The following BMPR1B variants were observed in gnomAD, a reference collection of about 807,000 sequenced individuals.
The protein encoded by BMPR1B is bone morphogenetic protein receptor type-1B.
In BMPR1B, 12 loss-of-function variants were observed where a neutral mutation model predicts 59.1. The observed-to-expected ratio is 0.20, with a 90% confidence interval of 0.13 to 0.33. The LOEUF is 0.33. Among genes scored for constraint, BMPR1B ranks in the 10% least tolerant of loss-of-function variants. The pLI, the probability that BMPR1B is intolerant of heterozygous loss-of-function variation, is 1.00. For synonymous variants in BMPR1B, 237 were observed against 207.3 expected (o/e 1.14, Z -1.23); for missense variants, 550 against 610.9 (o/e 0.90, Z 1.05).
chr4:95,137,032 T>G (rs961962460), intron 10 of BMPR1B, among the ~76,000 whole-genome samples: 2 of 152,218 alleles, frequency 1.3e-5, no homozygotes, highest in Non-Finnish European at 2.9e-5. Context: ...TTTCCTGCTT[T>G]CTTTTGTGGG....
At position 94,943,986 on chromosome 4, in the gene BMPR1B, G is replaced by A. The variant is rs145304109; in HGVS notation, c.-112-52054G>A. ...CAAAACCCTAACCCTTTTGAGTACCGACATGATACCACAAAGTGGAAAATT... is the reference window on the plus strand; with the variant it reads ...CAAAACCCTAACCCTTTTGAGTACCAACATGATACCACAAAGTGGAAAATT... On this transcript the variant is annotated intron_variant, in intron 2 of 12. Transcript: ENST00000515059. Among the ~76,000 whole-genome samples, 290 of 152,144 alleles carry A rather than the reference G, an allele frequency of 1.9e-3. 1 individual carries two copies. The highest frequency in any genetic ancestry group is 2.3e-3 in the Non-Finnish European group (154 of 67,984).
At chr4:95,035,928 C>T (rs1725209011) in intron 3 of BMPR1B, among the ~76,000 whole-genome samples, 1 of 152,084 alleles carries the variant, frequency 6.6e-6, no homozygotes, top group Non-Finnish European at 1.5e-5. Context: ...TATGTATTTC[C>T]ATTTGTCTGT....
intron 3 of BMPR1B, among the ~76,000 whole-genome samples, chr4:95,063,941 C>T (rs1407717972): frequency 1.3e-5 from 2 of 152,162 alleles, no homozygotes; most frequent in African/African-American, 4.8e-5. Flanking sequence ...TGACATATCA[C>T]ATTATAGTCA....
At chr4:94,883,558 C>T (rs1406293063) in intron 2 of BMPR1B, among the ~76,000 whole-genome samples, 1 of 151,722 alleles carries the variant, frequency 6.6e-6, no homozygotes, top group African/African-American at 2.4e-5. Context: ...TCATTAATAA[C>T]TTAATTTGTT....
intron 3 of BMPR1B, among the ~76,000 whole-genome samples, chr4:95,062,688 A>G (rs992736720): frequency 1.3e-5 from 2 of 152,198 alleles, no homozygotes; most frequent in African/African-American, 4.8e-5. Flanking sequence ...CTAAAATTGC[A>G]TGGTTAATGT....
At chr4:94,952,144 T>C (rs1298024505) in intron 2 of BMPR1B, among the ~76,000 whole-genome samples, 1 of 152,188 alleles carries the variant, frequency 6.6e-6, no homozygotes, top group Non-Finnish European at 1.5e-5. Context: ...TTGATTCTTC[T>C]CTCTTTTCTT....
At chr4:95,000,896 G>A (rs1042600801) in intron 3 of BMPR1B, among the ~76,000 whole-genome samples, 2 of 152,130 alleles carry the variant, frequency 1.3e-5, no homozygotes, top group Admixed American at 6.6e-5. Flanking sequence ...CTGTAACAGT[G>A]AAGGGCATAT....
intron 1 of BMPR1B, among the ~76,000 whole-genome samples, chr4:94,845,485 G>A (rs1725284951): frequency 6.6e-6 from 1 of 152,026 alleles, no homozygotes; most frequent in Admixed American, 6.6e-5. Flanking sequence ...TGGGACTACA[G>A]GTGCCCGCCA....
chr4:94,771,236 A>G (rs986424833), intron 1 of BMPR1B, among the ~76,000 whole-genome samples: 1 of 152,138 alleles, frequency 6.6e-6, no homozygotes, highest in African/African-American at 2.4e-5. Context: ...CTGTCAACCC[A>G]TTTTACAGAT....
chr4:95,121,796 T>TA (rs1732550069), intron 6 of BMPR1B, among the ~76,000 whole-genome samples: 2 of 152,158 alleles, frequency 1.3e-5, no homozygotes, highest in Admixed American at 6.6e-5. Context: ...TGTTACCTTT[T>TA]AAAAAGAATA....
At chr4:95,126,578 C>G (rs1039775176) in intron 8 of BMPR1B, among the ~76,000 whole-genome samples, 2 of 152,106 alleles carry the variant, frequency 1.3e-5, no homozygotes, top group Non-Finnish European at 2.9e-5. Context: ...GGTCAGCTAG[C>G]TAGTACGTGG....
intron 3 of BMPR1B, among the ~76,000 whole-genome samples, chr4:95,054,451 A>G (rs1463262213): frequency 6.6e-6 from 1 of 152,172 alleles, no homozygotes; most frequent in Non-Finnish European, 1.5e-5. Flanking sequence ...GAATATTGTG[A>G]TTGCTTCAGA....
intron 3 of BMPR1B, among the ~76,000 whole-genome samples, chr4:95,005,140 A>G (rs531717658): frequency 5.3e-5 from 8 of 152,156 alleles, no homozygotes; most frequent in Non-Finnish European, 1.2e-4. Flanking sequence ...AGCTGTTCCC[A>G]TAGTGTATGT....
At chr4:94,972,856 C>A (rs150537147) in intron 2 of BMPR1B, among the ~76,000 whole-genome samples, 559 of 152,266 alleles carry the variant, frequency 3.7e-3, no homozygotes, top group Non-Finnish European at 5.9e-3. Context: ...TTTCTTGACA[C>A]CTTCAAGGGA....
intron 5 of BMPR1B, 126 bp from the exon 6 acceptor site, chr4:95,115,559 G>A (rs1055261445): frequency 1.3e-6 from 1 of 794,022 alleles, no homozygotes; most frequent in Admixed American, 2.0e-5. Flanking sequence ...CATATTTAAG[G>A]TGTTTGAGTG....
intron 10 of BMPR1B, among the ~76,000 whole-genome samples, chr4:95,139,456 G>A (rs1734053492): frequency 6.6e-6 from 1 of 152,184 alleles, no homozygotes; most frequent in African/African-American, 2.4e-5. Context: ...AGACAGGGAT[G>A]TTTAAGTCTG....
At chr4:95,049,315 A>G (rs565400425) in intron 3 of BMPR1B, among the ~76,000 whole-genome samples, 6 of 150,286 alleles carry the variant, frequency 4.0e-5, no homozygotes, top group East Asian at 2.0e-4. Flanking sequence ...GGGTCTTGCT[A>G]TGTTGCTCAG....
At chr4:95,120,131 G>C (rs1464741376) in intron 6 of BMPR1B, among the ~76,000 whole-genome samples, 1 of 152,098 alleles carries the variant, frequency 6.6e-6, no homozygotes, top group East Asian at 1.9e-4. Context: ...TTAGTTTTCT[G>C]TTCCTTCATT....
chr4:94,953,992 C>T (rs574899180), intron 2 of BMPR1B, among the ~76,000 whole-genome samples: 1 of 152,188 alleles, frequency 6.6e-6, no homozygotes, highest in South Asian at 2.1e-4. Flanking sequence ...ATCTTGTCTT[C>T]ACACTTTATT....
Sources: allele counts gnomAD v4.1 joint callset (sites outside exome capture counted in the v4.1 genomes callset), GRCh38; gene constraint gnomAD v4.1.1; transcripts MANE v1.5; gene names NCBI Gene and HGNC (gene_info 2026-07-23, HGNC 2026-07-21).